The following SCLT1 variants were observed in gnomAD, a reference collection of about 807,000 sequenced individuals.
SCLT1 encodes the protein sodium channel and clathrin linker 1, also known as sodium channel-associated protein 1.
SCLT1 carries 78 observed loss-of-function variants against 112.8 expected under a neutral mutation model. The ratio of observed to expected loss-of-function variants is 0.69; its 90% CI spans 0.58 to 0.83. SCLT1 has a LOEUF of 0.83. Among genes scored for constraint, SCLT1 ranks in the 40% least tolerant of loss-of-function variants. SCLT1 has a pLI of 0.00. For synonymous variants in SCLT1, 257 were observed against 254.7 expected, an observed-to-expected ratio of 1.01 and a Z score of -0.09; for missense variants, 747 against 770.4, an observed-to-expected ratio of 0.97 and a Z score of 0.36.
chr4:129,018,365 T>C (rs1022686173), intron 5 of SCLT1, among the ~76,000 whole-genome samples: 5 of 152,242 alleles, frequency 3.3e-5, no homozygotes, highest in African/African-American at 1.2e-4. Flanking sequence ...ACAATTTAAT[T>C]ACGTATGCCT....
intron 5 of SCLT1, among the ~76,000 whole-genome samples, chr4:129,035,944 TGTAA>T (rs1333733818): frequency 6.6e-6 from 1 of 152,018 alleles, no homozygotes; most frequent in Non-Finnish European, 1.5e-5. Flanking sequence ...GATATGTAAA[TGTAA>T]GTATTAAAAT....
At chr4:128,963,851 T>C (rs1056440552) in intron 11 of SCLT1, among the ~76,000 whole-genome samples, 6 of 152,184 alleles carry the variant, frequency 3.9e-5, no homozygotes, top group African/African-American at 1.4e-4. Flanking sequence ...CATATATTTA[T>C]TGTCACTTTT....
intron 12 of SCLT1, 64 bp downstream of exon 12, chr4:128,959,536 T>G: frequency 3.3e-6 from 4 of 1,203,236 alleles, no homozygotes; most frequent in Non-Finnish European, 4.9e-6. Flanking sequence ...TCCCTTACTG[T>G]GAGGTCACAT....
intron 9 of SCLT1, among the ~76,000 whole-genome samples, chr4:128,975,676 A>T (rs570427629): frequency 6.6e-6 from 1 of 152,298 alleles, no homozygotes; most frequent in Non-Finnish European, 1.5e-5. Context: ...AAAAAAATGC[A>T]CACGTTAGGT....
At chr4:128,900,830 A>G (rs1267255869) in intron 18 of SCLT1, among the ~76,000 whole-genome samples, 1 of 152,224 alleles carries the variant, frequency 6.6e-6, no homozygotes, top group Non-Finnish European at 1.5e-5. Flanking sequence ...CAAATTTACA[A>G]GAAAAAAACA....
At chr4:129,023,032 T>C (rs1745635368) in intron 5 of SCLT1, among the ~76,000 whole-genome samples, 1 of 152,178 alleles carries the variant, frequency 6.6e-6, no homozygotes, top group South Asian at 2.1e-4. Context: ...AAAAATTTCA[T>C]ACCCAGCCAA....
At chr4:128,886,994 A>G (rs1732941715) in intron 20 of SCLT1, among the ~76,000 whole-genome samples, 1 of 152,200 alleles carries the variant, frequency 6.6e-6, no homozygotes, top group Non-Finnish European at 1.5e-5. Context: ...CTAAATATCT[A>G]CTTACCACTA....
intron 19 of SCLT1, among the ~76,000 whole-genome samples, chr4:128,890,110 GA>G (rs997073054): frequency 9.9e-5 from 15 of 152,154 alleles, no homozygotes; most frequent in South Asian, 2.1e-4. Flanking sequence ...GAAAACGGGG[GA>G]AAAAATTCCA....
intron 2 of SCLT1, among the ~76,000 whole-genome samples, chr4:129,069,245 T>A (rs578004066): frequency 6.6e-6 from 1 of 152,312 alleles, no homozygotes; most frequent in African/African-American, 2.4e-5. Context: ...TAGTCCTGCT[T>A]TGGCTATGCA....
chr4:129,002,756 A>T (rs1743627758), intron 6 of SCLT1, among the ~76,000 whole-genome samples: 1 of 152,218 alleles, frequency 6.6e-6, no homozygotes, highest in Non-Finnish European at 1.5e-5. Flanking sequence ...GCCAGTTAGA[A>T]TGGTGATCAT....
intron 18 of SCLT1, among the ~76,000 whole-genome samples, chr4:128,900,941 C>A (rs1045323304): frequency 2.6e-4 from 39 of 152,020 alleles, no homozygotes; most frequent in Non-Finnish European, 4.6e-4. Flanking sequence ...CATCACTGGC[C>A]ATCAGAGAAA....
chr4:128,934,226 C>T (rs1579422032), intron 18 of SCLT1, among the ~76,000 whole-genome samples: 1 of 151,974 alleles, frequency 6.6e-6, no homozygotes, highest in African/African-American at 2.4e-5. Flanking sequence ...TTTTTTGGCT[C>T]ACCTCTTCAC....
chr4:128,920,120 C>A (rs1303986013), intron 18 of SCLT1, among the ~76,000 whole-genome samples: 1 of 152,090 alleles, frequency 6.6e-6, no homozygotes, highest in Non-Finnish European at 1.5e-5. Flanking sequence ...GCCAATATTC[C>A]TGATGATCAT....
chr4:129,015,879 G>A (rs1040632499), intron 5 of SCLT1, among the ~76,000 whole-genome samples: 5 of 152,016 alleles, frequency 3.3e-5, no homozygotes, highest in South Asian at 2.1e-4. Flanking sequence ...TTAGGAGTAC[G>A]CCAGTCATCT....
At chr4:129,012,229 T>C (rs973109340) in intron 5 of SCLT1, among the ~76,000 whole-genome samples, 3 of 152,216 alleles carry the variant, frequency 2.0e-5, no homozygotes, top group African/African-American at 4.8e-5. Flanking sequence ...TGGTATGTTG[T>C]ATCTTTGTTC....
At chr4:128,899,156 G>C (rs1197940694) in intron 18 of SCLT1, among the ~76,000 whole-genome samples, 1 of 152,022 alleles carries the variant, frequency 6.6e-6, no homozygotes, top group East Asian at 1.9e-4. Flanking sequence ...AAGAGGGAGT[G>C]CTCCCTAACT....
At chr4:128,923,967 C>T (rs553558643) in intron 18 of SCLT1, among the ~76,000 whole-genome samples, 1 of 151,866 alleles carries the variant, frequency 6.6e-6, no homozygotes, top group Non-Finnish European at 1.5e-5. Flanking sequence ...CACTGCCATG[C>T]CTGGTTAATT....
intron 5 of SCLT1, among the ~76,000 whole-genome samples, chr4:129,010,579 C>G (rs1449330550): frequency 6.6e-6 from 1 of 152,078 alleles, no homozygotes; most frequent in African/African-American, 2.4e-5. Context: ...TTTGTGTAAT[C>G]TTTGATTTCT....
At chr4:129,056,257 G>A (rs1749379292) in intron 2 of SCLT1, among the ~76,000 whole-genome samples, 1 of 152,176 alleles carries the variant, frequency 6.6e-6, no homozygotes, top group Non-Finnish European at 1.5e-5. Flanking sequence ...CTATCTGCCA[G>A]TACTATTTCT....
Sources: allele counts gnomAD v4.1 joint callset (sites outside exome capture counted in the v4.1 genomes callset), GRCh38; gene constraint gnomAD v4.1.1; transcripts MANE v1.5; gene names NCBI Gene and HGNC (gene_info 2026-07-23, HGNC 2026-07-21).